PTGIS: variants seen among roughly 807,000 people sequenced by gnomAD.
The protein encoded by PTGIS is prostaglandin I2 synthase, also known as prostacyclin synthase.
A neutral mutation model predicts 50.3 loss-of-function variants in PTGIS; 45 were observed. The ratio of observed to expected loss-of-function variants is 0.90; its 90% CI spans 0.70 to 1.15. PTGIS has a LOEUF of 1.15. Ranked by LOEUF, PTGIS falls within the 50% of genes most tolerant of loss-of-function variation. The pLI, the probability that PTGIS is intolerant of heterozygous loss-of-function variation, is 0.00. For missense variants in PTGIS, 668 were observed against 661.3 expected, an observed-to-expected ratio of 1.01 and a Z score of -0.11; for synonymous variants, 260 against 267.7, an observed-to-expected ratio of 0.97 and a Z score of 0.28.
At chr20:49,564,290 T>C (rs990631629) in intron 1 of PTGIS, among the ~76,000 whole-genome samples, 5 of 152,172 alleles carry the variant, frequency 3.3e-5, no homozygotes, top group African/African-American at 1.2e-4. Context: ...CTCGCTCTGT[T>C]GCCCAGGCTG....
At chr20:49,518,249 C>T (rs916506089) in intron 6 of PTGIS, among the ~76,000 whole-genome samples, 2 of 152,146 alleles carry the variant, frequency 1.3e-5, no homozygotes, top group African/African-American at 4.8e-5. Flanking sequence ...TAAATTGTAA[C>T]AAATGTGCCA....
chr20:49,550,317 T>A lies in PTGIS; in HGVS notation c.75-128A>T, dbSNP rs563155327. 3.4e-5 allele frequency: 40 copies of A among 1,184,188 alleles called. No individual in the cohort carries two copies. The East Asian group carries it at 9.3e-4, about 28-fold the overall frequency. 73.4% of individuals were successfully genotyped at this position (1,184,188 alleles called of 1,614,324 possible). ...TCTGAATGGAGCACTCGGGGACTAT[T>A]GCCTCACCTGCTCCTTTTCTCTTGT... On this transcript the variant is annotated intron_variant, in intron 1 of 9. Coordinates refer to ENST00000244043, the MANE Select transcript of PTGIS (RefSeq NM_000961.4).
intron 4 of PTGIS, among the ~76,000 whole-genome samples, chr20:49,542,492 G>A (rs560308475): frequency 4.8e-4 from 73 of 152,270 alleles, no homozygotes; most frequent in African/African-American, 1.7e-3. Context: ...TGTGCCTGCC[G>A]CTGTACCATG....
At chr20:49,526,236 C>T (rs1386616489) in intron 5 of PTGIS, among the ~76,000 whole-genome samples, 1 of 152,198 alleles carries the variant, frequency 6.6e-6, no homozygotes, top group African/African-American at 2.4e-5. Context: ...AGTGTTGAAA[C>T]CACCTCAGTT....
At chr20:49,559,964 G>A (rs1360179378) in intron 1 of PTGIS, among the ~76,000 whole-genome samples, 3 of 148,456 alleles carry the variant, frequency 2.0e-5, no homozygotes, top group Non-Finnish European at 3.0e-5. Flanking sequence ...TTGGTCTGTC[G>A]CCAAGGCTGG....
At chr20:49,552,152 ATTTC>A (rs1371843147) in intron 1 of PTGIS, among the ~76,000 whole-genome samples, 1 of 149,388 alleles carries the variant, frequency 6.7e-6, no homozygotes, top group Non-Finnish European at 1.5e-5. Flanking sequence ...GCGTTATCTG[ATTTC>A]TTTTTTTTTT....
At chr20:49,511,304 T>A (rs749880256) in intron 8 of PTGIS, 125 bp from the exon 9 acceptor site, 56 of 1,095,158 alleles carry the variant, frequency 5.1e-5, no homozygotes, top group Non-Finnish European at 7.4e-5. Flanking sequence ...CATATACAGG[T>A]CAATTGATAG....
At chr20:49,510,991 A>G (rs373121143) in intron 9 of PTGIS, 37 bp downstream of exon 9, 55 of 1,603,586 alleles carry the variant, frequency 3.4e-5, no homozygotes, top group Admixed American at 5.0e-5. Context: ...CCAGGGGATC[A>G]GGAGCCACCC....
chr20:49,514,218 C>T lies in PTGIS; in HGVS notation c.1024+9G>A, dbSNP rs376783639. ...TTAGGGGCTATCTTGGAGGGTCTGACGATCTCACCAAGCACAGGTGTGCTG... is the reference window on the plus strand; with the variant it reads ...TTAGGGGCTATCTTGGAGGGTCTGATGATCTCACCAAGCACAGGTGTGCTG... On this transcript the variant is annotated intron_variant, in intron 7 of 9. Transcript: ENST00000244043. 2.4e-5 allele frequency: 39 copies of T among 1,613,158 alleles called. No homozygotes were observed. In the East Asian group the frequency reaches 3.8e-4, roughly 16 times the overall value.
chr20:49,529,775 C>T (rs944176361), intron 5 of PTGIS, among the ~76,000 whole-genome samples: 1 of 152,128 alleles, frequency 6.6e-6, no homozygotes, highest in African/African-American at 2.4e-5. Flanking sequence ...TCAGGTAACC[C>T]TTATTTTGTT....
At position 49,514,270 on chromosome 20, in the gene PTGIS, C is replaced by T. The variant is rs778803633; in HGVS notation, c.981G>A (p.Thr327=). 53 of 1,613,908 alleles carry T rather than the reference C, an allele frequency of 3.3e-5. 1 individual carries two copies. In the South Asian group the frequency reaches 4.7e-4, roughly 14 times the overall value. ...CTAGAACCTTCTGTGGGAGAGTGGT[C>T]GTCTGCGAGACAGGCTGCTCCGCTT... ...LWQAEQPVSQ[T]TTLPQKVLDS... The change falls in exon 7 of 10, where the codon ACG becomes ACA. Residue 327 remains threonine (T), a synonymous_variant. Coordinates refer to ENST00000244043, the MANE Select transcript of PTGIS (RefSeq NM_000961.4).
At position 49,568,083 on chromosome 20, in the gene PTGIS, C is replaced by T. The variant is rs866396825; in HGVS notation, c.34G>A (p.Ala12Thr). 4 of 1,404,312 alleles carry T rather than the reference C, an allele frequency of 2.8e-6. No homozygotes were observed. Among genetic ancestry groups the T allele is most frequent in the Non-Finnish European group, 9.3e-7 (1 of 1,079,080 alleles). The allele number at this position is 1,404,312 out of a possible 1,614,324, so 87.0% of individuals were successfully genotyped here. ...CTCAGTAGCAGCAGCAGCAACAGTG[C>T]GGCCAGGAGGCCGAGGAGCGCGGCC... ...AWAALLGLLA[A>T]LLLLLLLSRR... The change falls in exon 1 of 10, where the codon GCA becomes ACA. Residue 12 changes from alanine to threonine, a missense_variant. Coordinates refer to ENST00000244043, the MANE Select transcript of PTGIS (RefSeq NM_000961.4).
At position 49,507,977 on chromosome 20, in the gene PTGIS, GC is replaced by G; in HGVS notation, c.1445del (p.Gly482AlafsTer4). 1.2e-6 allele frequency: 2 copies of G among 1,613,892 alleles called. No homozygotes were observed. Among genetic ancestry groups the G allele is most frequent in the Non-Finnish European group, 1.7e-6 (2 of 1,180,048 alleles). On this transcript the variant is annotated frameshift_variant, in exon 10 of 10. Coordinates refer to ENST00000244043, the MANE Select transcript of PTGIS (RefSeq NM_000961.4). LOFTEE classifies it high-confidence loss of function. ...CGTGTTCCGGCTGCATCAGACCGAA[GC>G]CGTACCTGCTGAGGTCAAACTCAGG... The part of the protein sequence containing the change: ...EIPEFDLSRY[G>X]FGLMQPEHDV...
At chr20:49,552,517 TTCTC>T (rs142485904) in intron 1 of PTGIS, among the ~76,000 whole-genome samples, 5 of 151,192 alleles carry the variant, frequency 3.3e-5, no homozygotes, top group Admixed American at 6.6e-5. Context: ...CCCTCTTTCT[TTCTC>T]TCTCTCTCTC....
chr20:49,549,759 G>A (rs970393581), intron 2 of PTGIS, among the ~76,000 whole-genome samples: 5 of 152,142 alleles, frequency 3.3e-5, no homozygotes, highest in African/African-American at 1.2e-4. Context: ...GATGTTGAAC[G>A]GATGGAAATG....
chr20:49,550,007 ACCAGATATGAGGC>A, intron 2 of PTGIS, 46 bp downstream of exon 2: 1 of 1,613,640 alleles, frequency 6.2e-7, no homozygotes, highest in Non-Finnish European at 8.5e-7. Flanking sequence ...ATCAACAGAA[ACCAGATATGAGGC>A]CCAGCTGCTC....
chr20:49,552,164 T>A (rs558362155), intron 1 of PTGIS, among the ~76,000 whole-genome samples: 2 of 152,276 alleles, frequency 1.3e-5, no homozygotes, highest in African/African-American at 2.4e-5. Flanking sequence ...TTCTTTTTTT[T>A]TTATTAACTA....
At chr20:49,564,813 T>C (rs1162455630) in intron 1 of PTGIS, among the ~76,000 whole-genome samples, 1 of 152,124 alleles carries the variant, frequency 6.6e-6, no homozygotes, top group Non-Finnish European at 1.5e-5. Flanking sequence ...TTCATCTTTT[T>C]AAACCTCAGC....
chr20:49,514,114 G>T, intron 7 of PTGIS, 113 bp downstream of exon 7: 1 of 1,313,148 alleles, frequency 7.6e-7, no homozygotes, highest in Non-Finnish European at 1.1e-6. Context: ...GAGACCCTAG[G>T]TCGGAGGACA....
Sources: allele counts gnomAD v4.1 joint callset (sites outside exome capture counted in the v4.1 genomes callset), GRCh38; gene constraint gnomAD v4.1.1; transcripts MANE v1.5; gene names NCBI Gene and HGNC (gene_info 2026-07-23, HGNC 2026-07-21).